DSCAML1: variants seen among roughly 807,000 people sequenced by gnomAD.
DSCAML1 encodes cell adhesion molecule DSCAML1.
DSCAML1 carries 38 observed loss-of-function variants against 200.5 expected under a neutral mutation model. The ratio of observed to expected loss-of-function variants is 0.19; its 90% CI spans 0.15 to 0.25. The LOEUF (loss-of-function observed/expected upper bound fraction) is 0.25, where lower values mean the gene tolerates loss of function less well. Ranked by LOEUF, DSCAML1 falls within the 10% of genes least tolerant of loss-of-function variation. The pLI, the probability that DSCAML1 is intolerant of heterozygous loss-of-function variation, is 1.00. For synonymous variants in DSCAML1, 1,215 were observed against 1,165.0 expected, an observed-to-expected ratio of 1.04 and a Z score of -0.87; for missense variants, 2,223 against 2,858.8, an observed-to-expected ratio of 0.78 and a Z score of 5.07.
rs1015630115 is a variant in DSCAML1 at position 117,501,357 on chromosome 11, C to T, written c.2359+2488G>A. Among the ~76,000 whole-genome samples, 7 of 152,256 alleles carry T rather than the reference C, an allele frequency of 4.6e-5. 1 individual carries two copies. The highest frequency in any genetic ancestry group is 1.5e-5 in the Non-Finnish European group (1 of 68,026). ...CAGTGCCCACTTCCACCCCGCCCCC[C>T]GACAGTGTTGCCTTGTCACAGCAGT... On this transcript the variant is annotated intron_variant, in intron 11 of 32. Transcript: ENST00000651296.
At chr11:117,709,741 T>A (rs1276210557) in intron 3 of DSCAML1, 1 of 454,660 alleles carries the variant, frequency 2.2e-6, no homozygotes, top group Non-Finnish European at 4.4e-6. Flanking sequence ...TAAGGCAACA[T>A]CTTCAGGGCA....
chr11:117,590,090 A>G (rs1015775118), intron 3 of DSCAML1, among the ~76,000 whole-genome samples: 3 of 152,192 alleles, frequency 2.0e-5, no homozygotes, highest in African/African-American at 7.2e-5. Flanking sequence ...ACCTTAAATC[A>G]CCAAACTTTT....
intron 3 of DSCAML1, among the ~76,000 whole-genome samples, chr11:117,649,460 A>G (rs1435333720): frequency 6.6e-6 from 1 of 152,106 alleles, no homozygotes; most frequent in Non-Finnish European, 1.5e-5. Context: ...TCCACTAGCC[A>G]TATGCCTGTT....
At chr11:117,590,367 TAAAA>T (rs72401768) in intron 3 of DSCAML1, among the ~76,000 whole-genome samples, 1 of 139,174 alleles carries the variant, frequency 7.2e-6, no homozygotes, top group African/African-American at 2.6e-5. Context: ...ATACATAACT[TAAAA>T]AAAAAAAAAA....
At chr11:117,551,023 TG>T (rs1156742951) in intron 3 of DSCAML1, among the ~76,000 whole-genome samples, 7 of 152,232 alleles carry the variant, frequency 4.6e-5, no homozygotes, top group Non-Finnish European at 1.0e-4. Context: ...AGCCATGGGC[TG>T]GGGGCAGGGG....
intron 11 of DSCAML1, among the ~76,000 whole-genome samples, chr11:117,486,263 G>GCGGATGTGAAAA (rs1363109833): frequency 5.2e-5 from 4 of 76,578 alleles, no homozygotes; most frequent in African/African-American, 2.2e-4. Flanking sequence ...TGGGAAAGTG[G>GCGGATGTGAAAA]TGGATGGGAA....
intron 3 of DSCAML1, among the ~76,000 whole-genome samples, chr11:117,664,195 A>G (rs1385787802): frequency 6.6e-6 from 1 of 152,254 alleles, no homozygotes; most frequent in Non-Finnish European, 1.5e-5. Flanking sequence ...AGGGGCCCAC[A>G]TTCAGCCAGA....
chr11:117,570,248 C>T (rs1437214176), intron 3 of DSCAML1, among the ~76,000 whole-genome samples: 1 of 152,054 alleles, frequency 6.6e-6, no homozygotes, highest in African/African-American at 2.4e-5. Flanking sequence ...AGGATGAACG[C>T]TTTAGATTTG....
chr11:117,810,693 C>T (rs2055753657), intron 1 of DSCAML1, among the ~76,000 whole-genome samples: 1 of 152,164 alleles, frequency 6.6e-6, no homozygotes, highest in Non-Finnish European at 1.5e-5. Context: ...AATACAAACT[C>T]GACAGTAGTT....
intron 3 of DSCAML1, among the ~76,000 whole-genome samples, chr11:117,564,362 C>T (rs1591270102): frequency 6.6e-6 from 1 of 152,314 alleles, no homozygotes; most frequent in East Asian, 1.9e-4. Flanking sequence ...CACTCCCTAG[C>T]CTTTGTTATT....
At chr11:117,778,604 C>T (rs1258835712) in intron 2 of DSCAML1, among the ~76,000 whole-genome samples, 1 of 152,260 alleles carries the variant, frequency 6.6e-6, no homozygotes, top group Non-Finnish European at 1.5e-5. Flanking sequence ...GATAGCTGCA[C>T]CTCTGCGATT....
At position 117,428,537 on chromosome 11, in the gene DSCAML1, G is replaced by A. The variant is rs967064423; in HGVS notation, c.5953C>T (p.Pro1985Ser). 4 of 1,514,950 alleles carry A rather than the reference G, an allele frequency of 2.6e-6. No homozygotes were observed. Among genetic ancestry groups the A allele is most frequent in the South Asian group, 1.2e-5 (1 of 82,186 alleles). The allele number at this position is 1,514,950 out of a possible 1,614,324, so 93.8% of individuals were successfully genotyped here. The stretch of plus-strand genomic sequence containing the variant: ...GCAGGGGTGGGGCCGGGGGCTGGGG[G>A]GGCTGTGCCGGCTGGGGGGGCTGGC... ...AMPAPPAGTA[P>S]PAPGPTPAEP... Residue 1985 changes from proline to serine, a missense_variant, in exon 33 of 33, where the codon CCC (proline) becomes TCC (serine). By Grantham distance (74) the Pro-to-Ser change is moderately conservative (BLOSUM62 -1). This residue lies in a region of DSCAML1 where 280 missense variants were observed against 213.4 expected (regional missense o/e 1.31). Transcript: ENST00000651296.
chr11:117,733,124 G>A (rs1460000041), intron 3 of DSCAML1, among the ~76,000 whole-genome samples: 4 of 131,406 alleles, frequency 3.0e-5, no homozygotes, highest in Non-Finnish European at 6.6e-5. Flanking sequence ...GAGGCAGGGA[G>A]GAGCATCAGG....
intron 1 of DSCAML1, among the ~76,000 whole-genome samples, chr11:117,784,828 G>T (rs1484874817): frequency 6.6e-6 from 1 of 152,182 alleles, no homozygotes. Context: ...TCCCAGAGCT[G>T]CCAAGATGGT....
chr11:117,777,340 A>G (rs542003140), intron 2 of DSCAML1, among the ~76,000 whole-genome samples: 3 of 152,208 alleles, frequency 2.0e-5, no homozygotes, highest in Non-Finnish European at 2.9e-5. Flanking sequence ...AATATGCTAG[A>G]ATTCCCCTAA....
intron 3 of DSCAML1, among the ~76,000 whole-genome samples, chr11:117,770,152 C>T (rs1003670735): frequency 6.6e-6 from 1 of 152,166 alleles, no homozygotes; most frequent in African/African-American, 2.4e-5. Context: ...AGTGGTCCTG[C>T]GGTATCCTCC....
rs576907609 is a variant in DSCAML1, at chr11:117,628,414, C to A, written c.512-95892G>T. ...AGGCCACTCTACCTTCCCTGCCCGA[C>A]CTCCTCGTGCAGGGAGAAGCACCAG... On this transcript the variant is annotated intron_variant, in intron 3 of 32. Coordinates refer to ENST00000651296, the MANE Select transcript of DSCAML1 (RefSeq NM_020693.4). Among the ~76,000 whole-genome samples the A allele has an allele frequency of 3.5e-3, 527 of 152,330 alleles. 3 individuals are homozygous for A. Among genetic ancestry groups the A allele is most frequent in the South Asian group, 0.026 (124 of 4,828 alleles).
At chr11:117,486,309 T>TGGATGTGAAAGTAGC (rs1228617550) in intron 11 of DSCAML1, among the ~76,000 whole-genome samples, 2 of 130,002 alleles carry the variant, frequency 1.5e-5, no homozygotes, top group Non-Finnish European at 3.5e-5. Flanking sequence ...GTGAAAGTAG[T>TGGATGTGAAAGTAGC]GGATGTGAAA....
At chr11:117,815,741 C>A (rs4597100) in intron 1 of DSCAML1, among the ~76,000 whole-genome samples, 64,258 of 151,344 alleles carry the variant, frequency 0.42, 14,103 homozygotes, top group African/African-American at 0.53. Flanking sequence ...TGTTCCAGGA[C>A]TGTTCCTGAC....
Sources: allele counts gnomAD v4.1 joint callset (sites outside exome capture counted in the v4.1 genomes callset), GRCh38; gene constraint gnomAD v4.1.1; regional missense constraint gnomAD v4.1.1; transcripts MANE v1.5; gene names NCBI Gene and HGNC (gene_info 2026-07-23, HGNC 2026-07-21).